TENM3: variants seen among roughly 807,000 people sequenced by gnomAD.
The protein encoded by TENM3 is teneurin transmembrane protein 3.
Under a neutral mutation model 255.1 loss-of-function variants are expected in TENM3, and 63 were observed. The observed-to-expected ratio is 0.25, with a 90% confidence interval of 0.20 to 0.30. The LOEUF (loss-of-function observed/expected upper bound fraction) is 0.30, where lower values mean the gene tolerates loss of function less well. Among genes scored for constraint, TENM3 ranks in the 10% least tolerant of loss-of-function variants. The pLI, the probability that TENM3 is intolerant of heterozygous loss-of-function variation, is 1.00. For missense variants in TENM3, 2,929 were observed against 3,461.1 expected, an observed-to-expected ratio of 0.85 and a Z score of 3.86; for synonymous variants, 1,306 against 1,322.3, an observed-to-expected ratio of 0.99 and a Z score of 0.27.
At chr4:181,570,539 A>C in the TENM3 span, among the ~76,000 whole-genome samples, 1 of 151,718 alleles carries the variant, frequency 6.6e-6, no homozygotes, top group Non-Finnish European at 1.5e-5. Flanking sequence ...GAAGGAAAGA[A>C]AGAAAGAAAA....
At chr4:182,538,155 A>G (rs998675551) in intron 3 of TENM3, among the ~76,000 whole-genome samples, 3 of 152,216 alleles carry the variant, frequency 2.0e-5, no homozygotes, top group Non-Finnish European at 1.5e-5. Context: ...AGGCATCCGC[A>G]CGTCTCTTCT....
chr4:181,486,227 TCTC>T, the TENM3 span, among the ~76,000 whole-genome samples: 1 of 152,118 alleles, frequency 6.6e-6, no homozygotes, highest in Admixed American at 6.5e-5. Context: ...CACACACTCT[TCTC>T]CTTTAATGCT....
At chr4:181,596,840 C>T in the TENM3 span, among the ~76,000 whole-genome samples, 1 of 152,026 alleles carries the variant, frequency 6.6e-6, no homozygotes, top group African/African-American at 2.4e-5. Flanking sequence ...AACAGAAAAC[C>T]AAATACCACA....
chr4:182,609,024 C>T (rs533233343), intron 4 of TENM3, among the ~76,000 whole-genome samples: 1 of 152,264 alleles, frequency 6.6e-6, no homozygotes, highest in Admixed American at 6.5e-5. Flanking sequence ...ATGGCCCATG[C>T]TCTTGCTTGC....
chr4:181,493,970 A>G, the TENM3 span, among the ~76,000 whole-genome samples: 1 of 152,142 alleles, frequency 6.6e-6, no homozygotes, highest in Non-Finnish European at 1.5e-5. Flanking sequence ...GCAGTATCAT[A>G]TAGGGCTAGG....
the TENM3 span, among the ~76,000 whole-genome samples, chr4:181,806,824 C>T: frequency 6.6e-6 from 1 of 152,198 alleles, no homozygotes; most frequent in African/African-American, 2.4e-5. Context: ...TCAACTAGGG[C>T]CTTTGCTTCC....
intron 6 of TENM3, among the ~76,000 whole-genome samples, chr4:182,669,714 CTT>C (rs1170463243): frequency 6.6e-6 from 1 of 152,008 alleles, no homozygotes; most frequent in East Asian, 1.9e-4. Context: ...AAATTTAAAA[CTT>C]AGTAATTTAA....
intron 3 of TENM3, among the ~76,000 whole-genome samples, chr4:182,532,593 GT>G (rs1027558971): frequency 6.6e-6 from 1 of 152,080 alleles, no homozygotes; most frequent in African/African-American, 2.4e-5. Flanking sequence ...TAAATTGCTC[GT>G]TTTTGATTAC....
Position 182,711,774 on chromosome 4 carries a change from C to T in TENM3, c.2222-2313C>T, listed in dbSNP as rs530278420. Among the ~76,000 whole-genome samples the T allele has an allele frequency of 9.3e-4, 141 of 152,210 alleles. 2 individuals are homozygous for T. The highest frequency in any genetic ancestry group is 1.6e-3 in the Non-Finnish European group (107 of 67,994). On this transcript the variant is annotated intron_variant, in intron 12 of 27. Coordinates refer to ENST00000511685, the MANE Select transcript of TENM3 (RefSeq NM_001080477.4). ...TATTGAGACTTAAGTGTCTGTGTCT[C>T]ATTTTTATAATTTTGGGTTATCACA...
At chr4:182,273,443 AC>A (rs930186584) in intron 1 of TENM3, among the ~76,000 whole-genome samples, 1 of 152,202 alleles carries the variant, frequency 6.6e-6, no homozygotes, top group African/African-American at 2.4e-5. Flanking sequence ...GGGGGAATTC[AC>A]CCCAAGAAGC....
chr4:182,608,638 C>T (rs536012450), intron 4 of TENM3, among the ~76,000 whole-genome samples: 1 of 152,210 alleles, frequency 6.6e-6, no homozygotes, highest in African/African-American at 2.4e-5. Context: ...CTGCAGGGTC[C>T]GCGGCGGCGG....
chr4:182,257,659 G>A lies in TENM3; in HGVS notation c.-76+14183G>A, dbSNP rs932994923. Among the ~76,000 whole-genome samples, 7 of 152,222 alleles carry A rather than the reference G, an allele frequency of 4.6e-5. 1 individual carries two copies. Among genetic ancestry groups the A allele is most frequent in the African/African-American group, 1.2e-4 (5 of 41,546 alleles). On this transcript the variant is annotated intron_variant, in intron 1 of 27. Coordinates refer to ENST00000511685, the MANE Select transcript of TENM3 (RefSeq NM_001080477.4). ...TTGTGGTTAGTGAAGGAAAGGGACC[G>A]GAATCGCCAAGAACAAAAGGAGCCA...
intron 6 of TENM3, among the ~76,000 whole-genome samples, chr4:182,656,148 G>T (rs1005280647): frequency 9.9e-5 from 15 of 152,126 alleles, no homozygotes; most frequent in Non-Finnish European, 2.1e-4. Flanking sequence ...CTTCCTAGAT[G>T]TGTAAAAGTC....
chr4:182,108,556 C>A, the TENM3 span, among the ~76,000 whole-genome samples: 1 of 152,146 alleles, frequency 6.6e-6, no homozygotes, highest in South Asian at 2.1e-4. Flanking sequence ...GCATTTTGCT[C>A]AGTCCTAGGA....
intron 22 of TENM3, among the ~76,000 whole-genome samples, chr4:182,761,343 C>T (rs1213232389): frequency 2.0e-5 from 3 of 151,992 alleles, no homozygotes; most frequent in African/African-American, 7.2e-5. Flanking sequence ...CGCTTGAACC[C>T]GGGAGGCAGA....
chr4:182,343,265 G>T (rs1170229256), intron 2 of TENM3, among the ~76,000 whole-genome samples: 1 of 152,044 alleles, frequency 6.6e-6, no homozygotes, highest in Non-Finnish European at 1.5e-5. Flanking sequence ...TTATTGTTTT[G>T]GTCCTGTTTC....
At chr4:181,454,695 G>GTTT in the TENM3 span, among the ~76,000 whole-genome samples, 3 of 18,708 alleles carry the variant, frequency 1.6e-4, no homozygotes, top group South Asian at 9.5e-4. Flanking sequence ...TTTTTTTCTG[G>GTTT]TGTGCCTTTT....
At chr4:182,617,896 G>A (rs918193957) in intron 4 of TENM3, among the ~76,000 whole-genome samples, 3 of 152,096 alleles carry the variant, frequency 2.0e-5, no homozygotes, top group Non-Finnish European at 4.4e-5. Context: ...GTCCCTATAC[G>A]ATATAATAGA....
the TENM3 span, among the ~76,000 whole-genome samples, chr4:181,907,670 C>T: frequency 6.6e-6 from 1 of 152,066 alleles, no homozygotes; most frequent in African/African-American, 2.4e-5. Flanking sequence ...CACAAGACAG[C>T]GCCATTGCCC....
Sources: allele counts gnomAD v4.1 joint callset (sites outside exome capture counted in the v4.1 genomes callset), GRCh38; gene constraint gnomAD v4.1.1; transcripts MANE v1.5; gene names NCBI Gene and HGNC (gene_info 2026-07-23, HGNC 2026-07-21).